The following GLS variants were observed in gnomAD, a reference collection of about 807,000 sequenced individuals.
GLS encodes the protein glutaminase.
A neutral mutation model predicts 86.7 loss-of-function variants in GLS; 36 were observed. The ratio of observed to expected loss-of-function variants is 0.42; its 90% CI spans 0.32 to 0.55. The LOEUF is 0.55. Among genes scored for constraint, GLS ranks in the 20% least tolerant of loss-of-function variants. The pLI is 0.17. For missense variants in GLS, 528 were observed against 833.4 expected (o/e 0.63, Z 4.51); for synonymous variants, 317 against 305.9 (o/e 1.04, Z -0.38).
At chr2:190,925,523 A>T (rs1689869711) in intron 11 of GLS, among the ~76,000 whole-genome samples, 1 of 152,182 alleles carries the variant, frequency 6.6e-6, no homozygotes, top group East Asian at 1.9e-4. Context: ...ATTTATTCTT[A>T]CAGATTTAAC....
chr2:190,905,264 A>G lies in GLS; in HGVS notation c.979+97A>G. The G allele has an allele frequency of 1.4e-6, 1 of 724,026 alleles. No individual in the cohort carries two copies. Among genetic ancestry groups the G allele is most frequent in the Non-Finnish European group, 2.3e-6 (1 of 441,432 alleles). The allele number at this position is 724,026 out of a possible 1,614,324, so 44.9% of individuals were successfully genotyped here. On this transcript the variant is annotated intron_variant, in intron 6 of 17. Transcript: ENST00000320717. The surrounding 1 kb of genome is among the most constrained non-coding windows in gnomAD (Gnocchi z 4.6). ...ACATTTTTTGATTAAAATTAAAAGT[A>G]TTTGTCATGTGATTTCTATATAATC...
chr2:190,917,179 G>A (rs1399982311), intron 7 of GLS, among the ~76,000 whole-genome samples: 1 of 152,186 alleles, frequency 6.6e-6, no homozygotes, highest in East Asian at 1.9e-4. Context: ...CTCTGCCACT[G>A]CTTTATGAAC....
chr2:190,942,741 T>C (rs764197126), intron 14 of GLS, among the ~76,000 whole-genome samples: 5 of 152,232 alleles, frequency 3.3e-5, no homozygotes, highest in Non-Finnish European at 5.9e-5. Flanking sequence ...ATGAAGGATC[T>C]GTTTGATTGT....
At position 190,949,660 on chromosome 2, in the gene GLS, C is replaced by CTG. The variant is rs1558993734; in HGVS notation, c.1651-3905_1651-3904insTG. 1.3e-5 allele frequency among the ~76,000 whole-genome samples: 2 copies of CTG among 152,232 alleles called. No homozygotes were observed. Among genetic ancestry groups the CTG allele is most frequent in the East Asian group, 3.9e-4 (2 of 5,178 alleles). On this transcript the variant is annotated intron_variant, in intron 14 of 17. Coordinates refer to ENST00000320717, the MANE Select transcript of GLS (RefSeq NM_014905.5). This position sits in a 1 kb window ranked among gnomAD's most constrained non-coding sequence, Gnocchi z 4.0. ...TGAGCCGAGATCTTGCCACTGCACT[C>CTG]CAGCCTGGGTGACAGAGCGAGACCT...
Position 190,944,109 on chromosome 2 carries a change from A to G in GLS, c.1651-9456A>G, listed in dbSNP as rs555258726. On this transcript the variant is annotated intron_variant, in intron 14 of 17. Coordinates refer to ENST00000320717, the MANE Select transcript of GLS (RefSeq NM_014905.5). Reference sequence around the variant, plus strand: ...TCACAGCAGGAAGAGAACCTCATCTATTTTCAGGGACCTTGTTTGTATTTA... The same window carrying G: ...TCACAGCAGGAAGAGAACCTCATCTGTTTTCAGGGACCTTGTTTGTATTTA... Among the ~76,000 whole-genome samples the G allele has an allele frequency of 2.4e-4, 37 of 151,734 alleles. 1 individual carries two copies. The East Asian group carries it at 7.0e-3, about 29-fold the overall frequency.
intron 6 of GLS, among the ~76,000 whole-genome samples, chr2:190,908,762 A>T (rs1357190018): frequency 1.3e-5 from 2 of 152,226 alleles, no homozygotes; most frequent in Non-Finnish European, 2.9e-5. Flanking sequence ...GGATGTTCAG[A>T]TGTCTGGCTT....
In GLS at chr2:190,964,623, G is replaced by A. The variant is rs1203628345; in HGVS notation, c.*1637G>A. ...CGGCCAATGTTCCTTAGCTGCACCAGGCCCGAAGCTGTTCCCATGCTTGAG... is the reference window on the plus strand; with the variant it reads ...CGGCCAATGTTCCTTAGCTGCACCAAGCCCGAAGCTGTTCCCATGCTTGAG... On this transcript the variant is annotated 3_prime_UTR_variant, in exon 18 of 18. Coordinates refer to ENST00000320717, the MANE Select transcript of GLS (RefSeq NM_014905.5). The surrounding 1 kb of genome is among the most constrained non-coding windows in gnomAD (Gnocchi z 5.2). 1.3e-5 allele frequency: 2 copies of A among 152,186 alleles called. No individual in the cohort carries two copies. The highest frequency in any genetic ancestry group is 2.9e-5 in the Non-Finnish European group (2 of 68,052). 9.4% of individuals were successfully genotyped at this position (152,186 alleles called of 1,614,324 possible). A position where few individuals can be genotyped will look rare whatever the true frequency, so the allele number is the denominator to read the frequency against.
In GLS at chr2:190,962,300, A is replaced by G. The variant is rs532780814; in HGVS notation, c.1854-530A>G. Among the ~76,000 whole-genome samples the G allele has an allele frequency of 7.9e-5, 12 of 152,154 alleles. No homozygotes were observed. The highest frequency in any genetic ancestry group is 1.8e-4 in the Non-Finnish European group (12 of 68,030). ...CTTACCAGAGGTGATAAAAATGTCA[A>G]TTCCTTTGGGGCCAATCTTGCTCCT... On this transcript the variant is annotated intron_variant, in intron 17 of 17. Transcript: ENST00000320717. The surrounding 1 kb of genome is among the most constrained non-coding windows in gnomAD (Gnocchi z 4.2).
chr2:190,894,698 A>G (rs369996001), intron 1 of GLS, among the ~76,000 whole-genome samples: 16 of 152,330 alleles, frequency 1.1e-4, no homozygotes, highest in East Asian at 3.9e-4. Context: ...GTTAATTGCT[A>G]TCTCTCCCAG....
chr2:190,943,656 C>T lies in GLS; in HGVS notation c.1651-9909C>T, dbSNP rs1417055759. On this transcript the variant is annotated intron_variant, in intron 14 of 17. Coordinates refer to ENST00000320717, the MANE Select transcript of GLS (RefSeq NM_014905.5). The surrounding 1 kb of genome is among the most constrained non-coding windows in gnomAD (Gnocchi z 4.5). ...TAGTGTCTTAAAATATGCTTTTCTC[C>T]AGCAATTTTCTGTATTATATGTTGG... Among the ~76,000 whole-genome samples, 2 of 151,876 alleles carry T rather than the reference C, an allele frequency of 1.3e-5. No homozygotes were observed. Among genetic ancestry groups the T allele is most frequent in the Non-Finnish European group, 2.9e-5 (2 of 67,956 alleles).
rs1158276584 is a variant in GLS, at chr2:190,913,796, A to AGTTTTTT, written c.1038+3490_1038+3496dup. 5 of 953,720 alleles carry AGTTTTTT rather than the reference A, an allele frequency of 5.2e-6. No individual in the cohort carries two copies. The highest frequency in any genetic ancestry group is 1.8e-5 in the African/African-American group (1 of 56,618). 59.1% of individuals were successfully genotyped at this position (953,720 alleles called of 1,614,324 possible). On this transcript the variant is annotated intron_variant, in intron 7 of 17. Transcript: ENST00000320717. This position sits in a 1 kb window ranked among gnomAD's most constrained non-coding sequence, Gnocchi z 6.1. ...TGTCTTCTATGTTTTTACCTCTCAGAGTTTTTTGTTTTTTGTTTTTTAGAG... is the reference window on the plus strand; with the variant it reads ...TGTCTTCTATGTTTTTACCTCTCAGAGTTTTTTGTTTTTTGTTTTTTGTTTTTTAGAG...
intron 14 of GLS, among the ~76,000 whole-genome samples, chr2:190,945,669 A>C (rs1690560388): frequency 6.6e-6 from 1 of 151,798 alleles, no homozygotes; most frequent in Non-Finnish European, 1.5e-5. Flanking sequence ...TGTCTCAAAA[A>C]AAAAAAAGAA....
At chr2:190,931,447 T>C in intron 13 of GLS, 98 bp from the exon 14 acceptor site, 1 of 538,382 alleles carries the variant, frequency 1.9e-6, no homozygotes, top group Non-Finnish European at 3.4e-6. Flanking sequence ...AGTGATGATT[T>C]CTAGGCTGGA....
chr2:190,881,632 G>GGCCCCGCCCGCGCCT (rs1485796101), intron 1 of GLS, 162 bp downstream of exon 1: 8 of 630,108 alleles, frequency 1.3e-5, no homozygotes, highest in Middle Eastern at 4.7e-4. Flanking sequence ...GATTAGGCCC[G>GGCCCCGCCCGCGCCT]GCCCCGCCCG....
At chr2:190,890,778 T>TTAGG (rs1336946784) in intron 1 of GLS, among the ~76,000 whole-genome samples, 1 of 152,222 alleles carries the variant, frequency 6.6e-6, no homozygotes, top group Non-Finnish European at 1.5e-5. Context: ...AATCCTTTTG[T>TTAGG]ATTGTGTTAT....
At chr2:190,898,617 A>G (rs1361047683) in intron 3 of GLS, among the ~76,000 whole-genome samples, 2 of 152,222 alleles carry the variant, frequency 1.3e-5, no homozygotes, top group Non-Finnish European at 2.9e-5. Flanking sequence ...CACTGAGTGT[A>G]TAATTTTGTT....
chr2:190,900,443 T>C, intron 3 of GLS, 121 bp from the exon 4 acceptor site: 4 of 476,020 alleles, frequency 8.4e-6, no homozygotes, highest in Non-Finnish European at 1.5e-5. Flanking sequence ...TTATAGAATT[T>C]AGTTGTATAA....
chr2:190,895,395 A>G lies in GLS; in HGVS notation c.483+147A>G. ...CTTATTATGTTTTCAAATTTTTGTC[A>G]TGCTCATTTCAAGGTAATCAGTGAA... On this transcript the variant is annotated intron_variant, in intron 2 of 17. Transcript: ENST00000320717. This position sits in a 1 kb window ranked among gnomAD's most constrained non-coding sequence, Gnocchi z 4.2. 1.8e-6 allele frequency: 1 copy of G among 545,014 alleles called. No homozygotes were observed. The allele number at this position is 545,014 out of a possible 1,614,324, so 33.8% of individuals were successfully genotyped here. A position where few individuals can be genotyped will look rare whatever the true frequency, so the allele number is the denominator to read the frequency against.
Position 190,954,376 on chromosome 2 carries a change from TA to T in GLS, c.1713-200del, listed in dbSNP as rs3215259. Among the ~76,000 whole-genome samples the T allele has an allele frequency of 5.7e-3, 873 of 151,910 alleles. 22 individuals carry two copies. The highest frequency in any genetic ancestry group is 0.053 in the East Asian group (274 of 5,184). ...GAGATGGTTAACATTTAATCTTACC[TA>T]AAAAAAAGCAAAGCTGAGGAAGAGA... On this transcript the variant is annotated intron_variant, in intron 15 of 17. Coordinates refer to ENST00000320717, the MANE Select transcript of GLS (RefSeq NM_014905.5). This position sits in a 1 kb window ranked among gnomAD's most constrained non-coding sequence, Gnocchi z 4.0.
Sources: gnomAD v4.1 joint callset for allele counts (sites outside exome capture counted in the v4.1 genomes callset) on GRCh38, gnomAD v4.1.1 for gene constraint, Gnocchi (gnomAD v3.1) non-coding constraint, MANE v1.5 for transcripts, NCBI Gene and HGNC (gene_info 2026-07-23, HGNC 2026-07-21) for gene names.